Variants in LMBRD1 observed in about 807,000 individuals in gnomAD.
The protein encoded by LMBRD1 is LMBR1 domain containing 1.
Under a neutral mutation model 74.8 loss-of-function variants are expected in LMBRD1, and 64 were observed. The ratio of observed to expected loss-of-function variants is 0.86; its 90% CI spans 0.70 to 1.05. The LOEUF (loss-of-function observed/expected upper bound fraction) is 1.05. LMBRD1 is among the 50% of genes least tolerant of loss of function. The probability of loss-of-function intolerance (pLI) is 0.00; values close to 1 mark genes in which losing one functional copy is unlikely to be tolerated. For synonymous variants in LMBRD1, 204 were observed against 216.3 expected (o/e 0.94, Z 0.50); for missense variants, 652 against 645.9 (o/e 1.01, Z -0.10).
chr6:69,784,770 C>T (rs917949740), intron 2 of LMBRD1, among the ~76,000 whole-genome samples: 39 of 152,142 alleles, frequency 2.6e-4, no homozygotes, highest in Non-Finnish European at 1.9e-4. Context: ...CTATTACACC[C>T]AACCCTTTCA....
At chr6:69,684,166 A>G (rs1765716892) in intron 14 of LMBRD1, among the ~76,000 whole-genome samples, 1 of 152,048 alleles carries the variant, frequency 6.6e-6, no homozygotes. Flanking sequence ...TATTACATCC[A>G]TAAAATAAGG....
intron 7 of LMBRD1, among the ~76,000 whole-genome samples, chr6:69,732,089 A>G (rs1456018500): frequency 6.6e-6 from 1 of 152,172 alleles, no homozygotes; most frequent in Admixed American, 6.5e-5. Flanking sequence ...ATGCTATCAC[A>G]TAGGCTGAGA....
Position 69,763,495 on chromosome 6 carries a change from A to C in LMBRD1, c.308-11139T>G, listed in dbSNP as rs527237373. ...GGTTGATAGGCTTCTTGGATCCTAC[A>C]GGACCAGATCACAAACTTGTTTGGC... On this transcript the variant is annotated intron_variant, in intron 3 of 15. Transcript: ENST00000649934. Among the ~76,000 whole-genome samples the C allele has an allele frequency of 7.2e-5, 11 of 152,342 alleles. No homozygotes were observed. The East Asian group carries it at 9.6e-4, about 13-fold the overall frequency.
At chr6:69,730,149 C>A (rs1015963413) in intron 7 of LMBRD1, among the ~76,000 whole-genome samples, 2 of 152,138 alleles carry the variant, frequency 1.3e-5, no homozygotes, top group South Asian at 4.1e-4. Flanking sequence ...GAATAAATCA[C>A]CAACTGTATT....
intron 3 of LMBRD1, among the ~76,000 whole-genome samples, chr6:69,763,772 A>G (rs1765421517): frequency 6.6e-6 from 1 of 152,208 alleles, no homozygotes; most frequent in Non-Finnish European, 1.5e-5. Context: ...GGTCAAACCA[A>G]AGAAGACTGT....
At chr6:69,687,556 A>T (rs1172216072) in intron 14 of LMBRD1, among the ~76,000 whole-genome samples, 1 of 152,196 alleles carries the variant, frequency 6.6e-6, no homozygotes, top group Non-Finnish European at 1.5e-5. Flanking sequence ...TAATACTGGA[A>T]ATTAAGACAT....
intron 2 of LMBRD1, among the ~76,000 whole-genome samples, chr6:69,785,431 G>C (rs1260743895): frequency 3.9e-5 from 6 of 152,120 alleles, no homozygotes; most frequent in Non-Finnish European, 8.8e-5. Context: ...CCTCCACCTG[G>C]ATAGATAGTA....
At chr6:69,730,304 T>G (rs537029263) in intron 7 of LMBRD1, among the ~76,000 whole-genome samples, 1 of 152,224 alleles carries the variant, frequency 6.6e-6, no homozygotes, top group South Asian at 2.1e-4. Flanking sequence ...GGCCTTAGAT[T>G]ATTGTAAAGG....
intron 7 of LMBRD1, among the ~76,000 whole-genome samples, chr6:69,725,288 A>G (rs1489887798): frequency 6.6e-6 from 1 of 151,830 alleles, no homozygotes; most frequent in African/African-American, 2.4e-5. Flanking sequence ...ATACTACTCA[A>G]AGCAACCTAC....
At chr6:69,741,659 G>A in intron 6 of LMBRD1, 130 bp downstream of exon 6, 1 of 628,400 alleles carries the variant, frequency 1.6e-6, no homozygotes, top group Non-Finnish European at 2.9e-6. Flanking sequence ...AAAGTGCTAG[G>A]ATTACAGGCA....
At chr6:69,706,158 C>G in intron 9 of LMBRD1, 1 of 516,274 alleles carries the variant, frequency 1.9e-6, no homozygotes, top group Non-Finnish European at 3.6e-6. Flanking sequence ...TCAAATCTTC[C>G]ATCAGGTGGC....
intron 7 of LMBRD1, 33 bp downstream of exon 7, chr6:69,737,909 C>T: frequency 6.9e-7 from 1 of 1,442,010 alleles, no homozygotes; most frequent in Non-Finnish European, 9.7e-7. Flanking sequence ...TTTTATAAGG[C>T]AATTTTAACT....
At chr6:69,685,593 G>C (rs902128437) in intron 14 of LMBRD1, among the ~76,000 whole-genome samples, 3 of 152,152 alleles carry the variant, frequency 2.0e-5, no homozygotes, top group African/African-American at 7.2e-5. Flanking sequence ...CTGAGGTCAG[G>C]AGTTCAGGAC....
intron 7 of LMBRD1, among the ~76,000 whole-genome samples, chr6:69,720,496 AAATG>A (rs2149857448): frequency 6.6e-6 from 1 of 152,366 alleles, no homozygotes; most frequent in Admixed American, 6.5e-5. Flanking sequence ...CCCTCATCTT[AAATG>A]GCTGGGACTA....
intron 13 of LMBRD1, among the ~76,000 whole-genome samples, chr6:69,698,545 G>C (rs913677260): frequency 6.6e-6 from 1 of 151,900 alleles, no homozygotes; most frequent in African/African-American, 2.4e-5. Context: ...AAAACTAAAA[G>C]CCACAGTTCG....
intron 1 of LMBRD1, among the ~76,000 whole-genome samples, chr6:69,795,123 AGGC>A (rs1034871054): frequency 6.6e-6 from 1 of 152,252 alleles, no homozygotes; most frequent in Non-Finnish European, 1.5e-5. Context: ...TGAATGTAGA[AGGC>A]AACAAAAGAA....
intron 14 of LMBRD1, among the ~76,000 whole-genome samples, chr6:69,695,810 A>ATT (rs71748632): frequency 2.2e-4 from 33 of 147,156 alleles, no homozygotes; most frequent in Middle Eastern, 3.5e-3. Context: ...TCAACTAATC[A>ATT]TTTTTTTTTA....
At chr6:69,773,685 A>T (rs997984689) in intron 3 of LMBRD1, among the ~76,000 whole-genome samples, 2 of 152,206 alleles carry the variant, frequency 1.3e-5, no homozygotes. Context: ...TTAAACACCT[A>T]ATAAACTGGG....
At chr6:69,760,035 A>G (rs904327233) in intron 3 of LMBRD1, among the ~76,000 whole-genome samples, 3 of 152,202 alleles carry the variant, frequency 2.0e-5, no homozygotes, top group Non-Finnish European at 4.4e-5. Context: ...TAGAAGGCTT[A>G]TGTTCTTCTA....
Sources: allele counts gnomAD v4.1 joint callset (sites outside exome capture counted in the v4.1 genomes callset), GRCh38; gene constraint gnomAD v4.1.1; transcripts MANE v1.5; gene names NCBI Gene and HGNC (gene_info 2026-07-23, HGNC 2026-07-21).